YTHDF1: variants seen among roughly 807,000 people sequenced by gnomAD.
YTHDF1 encodes YTH domain-containing family protein 1.
Under a neutral mutation model 49.1 loss-of-function variants are expected in YTHDF1, and 16 were observed. The ratio of observed to expected loss-of-function variants is 0.33; its 90% CI spans 0.22 to 0.49. The LOEUF (loss-of-function observed/expected upper bound fraction) is 0.49. Among genes scored for constraint, YTHDF1 ranks in the 20% least tolerant of loss-of-function variants. The pLI, the probability that YTHDF1 is intolerant of heterozygous loss-of-function variation, is 0.99. For synonymous variants in YTHDF1, 313 were observed against 290.1 expected (o/e 1.08, Z -0.80); for missense variants, 621 against 744.3 (o/e 0.83, Z 1.93).
intron 3 of YTHDF1, among the ~76,000 whole-genome samples, chr20:63,205,317 T>C (rs575333607): frequency 1.3e-5 from 2 of 152,128 alleles, no homozygotes; most frequent in Admixed American, 1.3e-4. Flanking sequence ...ACTGGAGGGG[T>C]GACCACAAGC....
intron 4 of YTHDF1, among the ~76,000 whole-genome samples, chr20:63,199,456 T>C (rs1323015927): frequency 1.4e-5 from 2 of 147,852 alleles, no homozygotes; most frequent in Non-Finnish European, 3.0e-5. Flanking sequence ...GAGGCAGAGC[T>C]TGCAGTGAGC....
intron 3 of YTHDF1, among the ~76,000 whole-genome samples, chr20:63,209,526 C>T (rs4809503): frequency 0.63 from 95,411 of 151,954 alleles, 30,103 homozygotes; most frequent in East Asian, 0.86. Flanking sequence ...TCCCAGCCCT[C>T]TGGGAGGCCG....
In YTHDF1 at chr20:63,202,876, T is replaced by C. The variant is rs368273651; in HGVS notation, c.1064A>G (p.Gln355Arg). 3.7e-6 allele frequency: 6 copies of C among 1,613,972 alleles called. No homozygotes were observed. Among genetic ancestry groups the C allele is most frequent in the Non-Finnish European group, 5.1e-6 (6 of 1,180,056 alleles). ...GSDSNSPGNV[Q>R]PNSAPSVESH... Reference sequence around the variant, plus strand: ...TTCGACGCTGGGGGCAGAATTAGGCTGGACGTTTCCAGGAGAGTTGCTATC... The same window carrying C: ...TTCGACGCTGGGGGCAGAATTAGGCCGGACGTTTCCAGGAGAGTTGCTATC... Residue 355 changes from glutamine (Q) to arginine (R), a missense_variant, in exon 4 of 5, where the codon CAG becomes CGG. By Grantham distance (43) the Gln-to-Arg change is conservative. Transcript: ENST00000370339.
At chr20:63,206,460 G>A (rs1213518890) in intron 3 of YTHDF1, among the ~76,000 whole-genome samples, 1 of 152,192 alleles carries the variant, frequency 6.6e-6, no homozygotes, top group Non-Finnish European at 1.5e-5. Context: ...ACGCTGCACA[G>A]ACAGAGAGCC....
At position 63,203,540 on chromosome 20, in the gene YTHDF1, T is replaced by C. The variant is rs2066530021; in HGVS notation, c.400A>G (p.Thr134Ala). ...PENPAFSAWG[T>A]SGSQGQQTQS... ...GTCTGCTGACCTTGAGACCCACTTGTCCCCCATGCTGAGAACGCAGGGTTT... is the reference window on the plus strand; with the variant it reads ...GTCTGCTGACCTTGAGACCCACTTGCCCCCCATGCTGAGAACGCAGGGTTT... Residue 134 changes from threonine to alanine, a missense_variant, in exon 4 of 5, where the codon ACA becomes GCA. Thr to Ala is a moderately conservative substitution (Grantham distance 58). This residue lies in a region of YTHDF1 where 470 missense variants were observed against 495.8 expected (regional missense o/e 0.95). Transcript: ENST00000370339. This position sits in a 1 kb window ranked among gnomAD's most constrained non-coding sequence, Gnocchi z 4.4. 2.5e-6 allele frequency: 4 copies of C among 1,613,804 alleles called. No homozygotes were observed. The highest frequency in any genetic ancestry group is 1.1e-5 in the South Asian group (1 of 91,078).
At chr20:63,207,385 C>T (rs544536152) in intron 3 of YTHDF1, among the ~76,000 whole-genome samples, 5 of 152,050 alleles carry the variant, frequency 3.3e-5, no homozygotes, top group African/African-American at 7.2e-5. Flanking sequence ...AGGAGAATGG[C>T]GTGAACCCGG....
intron 3 of YTHDF1, among the ~76,000 whole-genome samples, chr20:63,210,843 C>G (rs1047550527): frequency 1.3e-5 from 2 of 152,122 alleles, no homozygotes; most frequent in Non-Finnish European, 2.9e-5. Flanking sequence ...CAGAGCCCTT[C>G]ACTCCCAGTT....
chr20:63,202,716 G>A lies in YTHDF1; in HGVS notation c.1224C>T (p.Tyr408=), dbSNP rs2066523461. 1 of 1,614,082 alleles carries A rather than the reference G, an allele frequency of 6.2e-7. No individual in the cohort carries two copies. Among genetic ancestry groups the A allele is most frequent in the South Asian group, 1.1e-5 (1 of 91,092 alleles). The stretch of plus-strand genomic sequence containing the variant: ...CGTGCTCTGTGCTACACCAGATGGA[G>A]TACTTAATGGAGCGGTGGATGTCGT... ...SEDDIHRSIK[Y]SIWCSTEHGN... The change falls in exon 4 of 5, where the codon TAC becomes TAT. Residue 408 remains tyrosine (Y), a synonymous_variant. Coordinates refer to ENST00000370339, the MANE Select transcript of YTHDF1 (RefSeq NM_017798.4).
chr20:63,208,173 A>C (rs2066557347), intron 3 of YTHDF1, among the ~76,000 whole-genome samples: 1 of 152,218 alleles, frequency 6.6e-6, no homozygotes, highest in Non-Finnish European at 1.5e-5. Flanking sequence ...AATGACCAAA[A>C]GGAGAGACTA....
At chr20:63,202,174 C>T in intron 4 of YTHDF1, 113 bp downstream of exon 4, 1 of 1,413,862 alleles carries the variant, frequency 7.1e-7, no homozygotes, top group Non-Finnish European at 9.5e-7. Flanking sequence ...AGCTGCCTGT[C>T]ACGAGACTCA....
At position 63,215,915 on chromosome 20, in the gene YTHDF1, G is replaced by A; in HGVS notation, c.-23C>T. ...CATGCTTCATGAACAACTAGACGCG[G>A]GGCCGGGGCGCCCGCCGGCTCGGGC... On this transcript the variant is annotated 5_prime_UTR_variant, in exon 1 of 5. Coordinates refer to ENST00000370339, the MANE Select transcript of YTHDF1 (RefSeq NM_017798.4). The A allele has an allele frequency of 7.2e-7, 1 of 1,381,948 alleles. No individual in the cohort carries two copies. Among genetic ancestry groups the A allele is most frequent in the Non-Finnish European group, 9.4e-7 (1 of 1,061,942 alleles). The allele number at this position is 1,381,948 out of a possible 1,614,324, so 85.6% of individuals were successfully genotyped here. A position where few individuals can be genotyped will look rare whatever the true frequency, so the allele number is the denominator to read the frequency against.
intron 4 of YTHDF1, among the ~76,000 whole-genome samples, chr20:63,199,345 C>T (rs1026311821): frequency 2.6e-5 from 4 of 152,024 alleles, no homozygotes; most frequent in Admixed American, 1.3e-4. Flanking sequence ...CGGTGAAACC[C>T]CATCTCTACT....
rs574371813 is a variant in YTHDF1, at chr20:63,204,464, C to T, written c.133-657G>A. 3.3e-5 allele frequency among the ~76,000 whole-genome samples: 5 copies of T among 152,326 alleles called. No homozygotes were observed. In the South Asian group the frequency reaches 8.3e-4, roughly 25 times the overall value. On this transcript the variant is annotated intron_variant, in intron 3 of 4. Coordinates refer to ENST00000370339, the MANE Select transcript of YTHDF1 (RefSeq NM_017798.4). ...CCCTGCCTCTAAGTCCAAGGGGGTTCACATTCCCATGATTTCCTGGGCACA... is the reference window on the plus strand; with the variant it reads ...CCCTGCCTCTAAGTCCAAGGGGGTTTACATTCCCATGATTTCCTGGGCACA...
At position 63,215,607 on chromosome 20, in the gene YTHDF1, C is replaced by T. The variant is rs2066598070; in HGVS notation, c.28-6G>A. On this transcript the variant is annotated splice_polypyrimidine_tract_variant and splice_region_variant and intron_variant, in intron 1 of 4. Transcript: ENST00000370339. The stretch of plus-strand genomic sequence containing the variant: ...TTATCTTGTCCTTTTGTTCTCTGCA[C>T]CGCCGCAGGCCGGGACGTGGGGTAC... The T allele has an allele frequency of 6.2e-7, 1 of 1,608,524 alleles. No homozygotes were observed. The highest frequency in any genetic ancestry group is 8.5e-7 in the Non-Finnish European group (1 of 1,177,666).
At chr20:63,213,750 T>TTA in intron 3 of YTHDF1, 114 bp downstream of exon 3, 1 of 949,166 alleles carries the variant, frequency 1.1e-6, no homozygotes, top group Non-Finnish European at 1.5e-6. Flanking sequence ...TCCTAATACT[T>TTA]TATAGTCTGC....
intron 4 of YTHDF1, among the ~76,000 whole-genome samples, chr20:63,200,235 C>G (rs1305354694): frequency 2.0e-5 from 3 of 151,580 alleles, no homozygotes; most frequent in Middle Eastern, 3.4e-3. Context: ...GTGGTGGGCG[C>G]CTATGATCCC....
intron 4 of YTHDF1, among the ~76,000 whole-genome samples, chr20:63,200,020 C>T (rs754057154): frequency 3.9e-5 from 6 of 152,138 alleles, no homozygotes; most frequent in Non-Finnish European, 5.9e-5. Flanking sequence ...AGTCACTGCA[C>T]TCCAGCCCGG....
At chr20:63,214,105 A>G in intron 2 of YTHDF1, 162 bp from the exon 3 acceptor site, 1 of 969,676 alleles carries the variant, frequency 1.0e-6, no homozygotes, top group South Asian at 4.8e-5. Flanking sequence ...TTATACAACT[A>G]ATTAGAAGGG....
At chr20:63,213,475 G>A (rs775972797) in intron 3 of YTHDF1, among the ~76,000 whole-genome samples, 11 of 152,122 alleles carry the variant, frequency 7.2e-5, no homozygotes, top group Non-Finnish European at 1.5e-5. Context: ...CTCCACAGTC[G>A]CTCCACAGCC....
Sources: gnomAD v4.1 joint callset for allele counts (sites outside exome capture counted in the v4.1 genomes callset) on GRCh38, gnomAD v4.1.1 for gene constraint, gnomAD v4.1.1 regional missense constraint, Gnocchi (gnomAD v3.1) non-coding constraint, MANE v1.5 for transcripts, NCBI Gene and HGNC (gene_info 2026-07-23, HGNC 2026-07-21) for gene names.